ZNF461: variants seen among roughly 807,000 people sequenced by gnomAD.
ZNF461 encodes zinc finger protein 461, also known as gonadotropin-inducible ovarian transcription factor-1.
In ZNF461, 16 loss-of-function variants were observed where a neutral mutation model predicts 18.3. The observed-to-expected ratio is 0.88, with a 90% CI of 0.59 to 1.33. The LOEUF (loss-of-function observed/expected upper bound fraction) is 1.33. ZNF461 is among the 40% of genes most tolerant of loss of function. The pLI, the probability that ZNF461 is intolerant of heterozygous loss-of-function variation, is 0.00. For missense variants in ZNF461, 595 were observed against 669.9 expected, an observed-to-expected ratio of 0.89 and a Z score of 1.23; for synonymous variants, 179 against 216.9, an observed-to-expected ratio of 0.83 and a Z score of 1.54.
intron 3 of ZNF461, chr19:36,658,000 G>C: frequency 3.3e-6 from 1 of 301,072 alleles, no homozygotes; most frequent in Non-Finnish European, 6.1e-6. Flanking sequence ...ACAAAAGACA[G>C]AGTCTGCTTT....
At position 36,638,632 on chromosome 19, in the gene ZNF461, G is replaced by A; in HGVS notation, c.*21C>T. The A allele has an allele frequency of 3.2e-6, 5 of 1,553,710 alleles. No individual in the cohort carries two copies. Among genetic ancestry groups the A allele is most frequent in the Non-Finnish European group, 3.5e-6 (4 of 1,147,486 alleles). ...TTTCCTTAAATAAAACAAAGACAAT[G>A]TATATTTCCATCAACAAATTTCATG... On this transcript the variant is annotated 3_prime_UTR_variant, in exon 6 of 6. Coordinates refer to ENST00000588268, the MANE Select transcript of ZNF461 (RefSeq NM_153257.5).
At chr19:36,652,029 T>C (rs1379208705) in intron 4 of ZNF461, among the ~76,000 whole-genome samples, 3 of 152,108 alleles carry the variant, frequency 2.0e-5, no homozygotes, top group Non-Finnish European at 4.4e-5. Context: ...CACACAAATT[T>C]GCACAACTAA....
intron 4 of ZNF461, among the ~76,000 whole-genome samples, chr19:36,650,042 G>T (rs949535365): frequency 7.9e-5 from 12 of 152,078 alleles, no homozygotes; most frequent in Admixed American, 5.9e-4. Context: ...AGGCATGGTG[G>T]TGGGTACCTG....
Position 36,661,108 on chromosome 19 carries a change from T to A in ZNF461, c.10-2683A>T, listed in dbSNP as rs561043354. Among the ~76,000 whole-genome samples the A allele has an allele frequency of 3.3e-5, 5 of 152,076 alleles. No individual in the cohort carries two copies. The East Asian group carries it at 9.7e-4, about 29-fold the overall frequency. On this transcript the variant is annotated intron_variant, in intron 2 of 5. Transcript: ENST00000588268. The stretch of plus-strand genomic sequence containing the variant: ...CTGGGTAACAAAGCGAGATCGCATC[T>A]CTACAAAAAAATTTAAAACATTAGC...
chr19:36,654,745 G>A (rs1827253633), intron 4 of ZNF461, among the ~76,000 whole-genome samples: 1 of 151,996 alleles, frequency 6.6e-6, no homozygotes, highest in African/African-American at 2.4e-5. Context: ...TTGGTCTATA[G>A]CACCCCAAAC....
intron 4 of ZNF461, among the ~76,000 whole-genome samples, chr19:36,645,930 G>A (rs1269380764): frequency 4.6e-5 from 7 of 152,130 alleles, no homozygotes; most frequent in South Asian, 2.1e-4. Flanking sequence ...GACTACAGGC[G>A]TGAGCCACCA....
intron 2 of ZNF461, among the ~76,000 whole-genome samples, chr19:36,662,709 T>A (rs1482882908): frequency 1.3e-5 from 2 of 152,244 alleles, no homozygotes; most frequent in Non-Finnish European, 2.9e-5. Context: ...ATTAGCTTTA[T>A]TTCTCTGATT....
At position 36,639,345 on chromosome 19, in the gene ZNF461, AT is replaced by A. The variant is rs1225461768; in HGVS notation, c.999del (p.Gln333HisfsTer96). ...AAGCCACGAATAAAAGCCTTCCCAC[AT>A]TGCTTACATTCATAGGGTTTTTCAC... ...HTGEKPYECK[Q>X]CGKAFIRGFQ... is the part of the protein sequence containing the mutation. On this transcript the variant is annotated frameshift_variant, in exon 6 of 6. Coordinates refer to ENST00000588268, the MANE Select transcript of ZNF461 (RefSeq NM_153257.5). LOFTEE classifies it low-confidence loss of function (END_TRUNC). 2 of 1,613,838 alleles carry A rather than the reference AT, an allele frequency of 1.2e-6. No homozygotes were observed. Among genetic ancestry groups the A allele is most frequent in the African/African-American group, 2.7e-5 (2 of 74,866 alleles).
chr19:36,644,674 C>A (rs761604302), intron 4 of ZNF461, among the ~76,000 whole-genome samples: 8 of 151,764 alleles, frequency 5.3e-5, no homozygotes, highest in Non-Finnish European at 8.8e-5. Context: ...CGGCTCACTG[C>A]GGCCTCTGAC....
At position 36,649,641 on chromosome 19, in the gene ZNF461, C is replaced by T. The variant is rs567216994; in HGVS notation, c.233-5779G>A. ...CCACTGCGCCCGGCCTGAGCCACCA[C>T]GCCTGGCTGAAACAGTGTACTGTAA... On this transcript the variant is annotated intron_variant, in intron 4 of 5. Transcript: ENST00000588268. 3.0e-4 allele frequency among the ~76,000 whole-genome samples: 45 copies of T among 152,128 alleles called. No homozygotes were observed. The East Asian group carries it at 6.6e-3, about 22-fold the overall frequency.
chr19:36,658,034 A>G (rs897308779), intron 3 of ZNF461: 2 of 422,346 alleles, frequency 4.7e-6, no homozygotes, highest in Admixed American at 3.9e-5. Context: ...ATGCTTTAAC[A>G]TTGCAGATTT....
At position 36,639,794 on chromosome 19, in the gene ZNF461, T is replaced by C. The variant is rs112092860; in HGVS notation, c.551A>G (p.Glu184Gly). 6.8e-6 allele frequency: 11 copies of C among 1,613,900 alleles called. No individual in the cohort carries two copies. The African/African-American group carries it at 9.3e-5, about 14-fold the overall frequency. Residue 184 changes from glutamate to glycine, a missense_variant, in exon 6 of 6, where the codon GAA becomes GGA. Transcript: ENST00000588268. The part of the protein sequence containing the change: ...IFSQHTLLTQ[E>G]FYDREKISEC... ...AGAGATTTTCTCTCTATCATAAAAT[T>C]CTTGAGTGAGTAAAGTATGTTGGCT...
At chr19:36,642,453 A>G (rs1317848690) in intron 5 of ZNF461, among the ~76,000 whole-genome samples, 1 of 151,934 alleles carries the variant, frequency 6.6e-6, no homozygotes, top group Non-Finnish European at 1.5e-5. Flanking sequence ...GTCTCTCTAC[A>G]TGGTGTGTCC....
chr19:36,638,040 G>A lies in ZNF461; in HGVS notation c.*613C>T. ...GGGAATCTGCACAATAGAAACAAAAGAAGGTAAAATTAGAGTTCTAGGTGA... is the reference window on the plus strand; with the variant it reads ...GGGAATCTGCACAATAGAAACAAAAAAAGGTAAAATTAGAGTTCTAGGTGA... On this transcript the variant is annotated 3_prime_UTR_variant, in exon 6 of 6. Coordinates refer to ENST00000588268, the MANE Select transcript of ZNF461 (RefSeq NM_153257.5). 1 of 217,182 alleles carries A rather than the reference G, an allele frequency of 4.6e-6. No homozygotes were observed. Among genetic ancestry groups the A allele is most frequent in the South Asian group, 5.6e-5 (1 of 17,874 alleles). 13.5% of individuals were successfully genotyped at this position (217,182 alleles called of 1,614,324 possible).
chr19:36,653,012 AT>A (rs2037656222), intron 4 of ZNF461, among the ~76,000 whole-genome samples: 1 of 152,238 alleles, frequency 6.6e-6, no homozygotes, highest in Admixed American at 6.5e-5. Flanking sequence ...CATTAAGGAA[AT>A]TCAAAATTAA....
rs1175466677 is a variant in ZNF461 at position 36,643,661 on chromosome 19, T to C, written c.301+133A>G. On this transcript the variant is annotated intron_variant, in intron 5 of 5. Transcript: ENST00000588268. ...ACATTCTGAAATCTAACAGAATGCG[T>C]GATTATGTATTTCTGTGTGTTCTAG... 8 of 760,944 alleles carry C rather than the reference T, an allele frequency of 1.1e-5. No homozygotes were observed. In the African/African-American group the frequency reaches 1.3e-4, roughly 12 times the overall value. The allele number at this position is 760,944 out of a possible 1,614,324, so 47.1% of individuals were successfully genotyped here. A position where few individuals can be genotyped will look rare whatever the true frequency, so the allele number is the denominator to read the frequency against.
Position 36,656,468 on chromosome 19 carries a change from T to G in ZNF461, c.212A>C (p.Glu71Ala). 1 of 1,614,184 alleles carries G rather than the reference T, an allele frequency of 6.2e-7. No homozygotes were observed. The highest frequency in any genetic ancestry group is 8.5e-7 in the Non-Finnish European group (1 of 1,180,024). The change falls in exon 4 of 6, where the codon GAG becomes GCG. Residue 71 changes from glutamate to alanine, a missense_variant. By Grantham distance (107) the Glu-to-Ala change is moderately radical. Coordinates refer to ENST00000588268, the MANE Select transcript of ZNF461 (RefSeq NM_153257.5). ...GKEPWMVVRE[E>A]TGRWCPGTWK... ...CTCACCTGGGCACCATCTTCCTGTCTCTTCCCTCACAACCATCCAGGGCTC... is the reference window on the plus strand; with the variant it reads ...CTCACCTGGGCACCATCTTCCTGTCGCTTCCCTCACAACCATCCAGGGCTC...
At chr19:36,657,734 C>A (rs971297841) in intron 3 of ZNF461, 1 of 148,190 alleles carries the variant, frequency 6.7e-6, no homozygotes, top group African/African-American at 2.5e-5. Flanking sequence ...GCCGAGATCA[C>A]GCCATTGCAC....
Position 36,638,989 on chromosome 19 carries a change from C to T in ZNF461, c.1356G>A (p.Gln452=). Reference sequence around the variant, plus strand: ...TCTGATGTCTTTTGAGGTGTGAACACTGTCTAAAAGTCTTCCCACATTCCT... The same window carrying T: ...TCTGATGTCTTTTGAGGTGTGAACATTGTCTAAAAGTCTTCCCACATTCCT... ...ECKECGKTFR[Q]CSHLKRHQRI... Residue 452 remains glutamine (Q), a synonymous_variant, in exon 6 of 6, where the codon CAG becomes CAA. Transcript: ENST00000588268. The T allele has an allele frequency of 6.2e-7, 1 of 1,613,534 alleles. No individual in the cohort carries two copies. The highest frequency in any genetic ancestry group is 8.5e-7 in the Non-Finnish European group (1 of 1,179,882).
Sources: allele counts gnomAD v4.1 joint callset (sites outside exome capture counted in the v4.1 genomes callset), GRCh38; gene constraint gnomAD v4.1.1; transcripts MANE v1.5; gene names NCBI Gene and HGNC (gene_info 2026-07-23, HGNC 2026-07-21).